Variants in CDH2 observed in about 807,000 individuals in gnomAD.
CDH2 encodes the protein cadherin 2.
Under a neutral mutation model 92.0 loss-of-function variants are expected in CDH2, and 17 were observed. The observed-to-expected ratio is 0.18, with a 90% CI of 0.13 to 0.28. The LOEUF is 0.28. CDH2 is among the 10% of genes least tolerant of loss of function. The pLI, the probability that CDH2 is intolerant of heterozygous loss-of-function variation, is 1.00. For missense variants in CDH2, 862 were observed against 1,133.1 expected, an observed-to-expected ratio of 0.76 and a Z score of 3.44; for synonymous variants, 419 against 415.9, an observed-to-expected ratio of 1.01 and a Z score of -0.09.
chr18:27,965,816 C>G (rs142712615), intron 14 of CDH2, among the ~76,000 whole-genome samples: 5 of 151,706 alleles, frequency 3.3e-5, no homozygotes, highest in African/African-American at 1.2e-4. Context: ...AACCCCATCT[C>G]TACTAAAAAA....
At chr18:27,943,054 T>A (rs1909182822) in intron 6 of CDH2, among the ~76,000 whole-genome samples, 1 of 152,172 alleles carries the variant, frequency 6.6e-6, no homozygotes, top group African/African-American at 2.4e-5. Context: ...GTATTATGGT[T>A]CCTTGTAAAT....
At chr18:28,087,668 A>C (rs887870403) in intron 2 of CDH2, among the ~76,000 whole-genome samples, 2 of 152,202 alleles carry the variant, frequency 1.3e-5, no homozygotes, top group East Asian at 3.9e-4. Flanking sequence ...TATATTAAAA[A>C]TACTGTGGCA....
chr18:27,944,696 G>T lies in CDH2; in HGVS notation c.1152-11572C>A, dbSNP rs1216843957. ...AGTGATTTGAGAGGCTGAAGTGGAG[G>T]ATCACTTCAGGCTAGGAGTTCAAGA... On this transcript the variant is annotated intron_variant, in intron 6 of 6. Coordinates refer to the CDH2 transcript ENST00000675173. 2.1e-5 allele frequency among the ~76,000 whole-genome samples: 3 copies of T among 144,244 alleles called. No homozygotes were observed. In the East Asian group the frequency reaches 6.4e-4, roughly 31 times the overall value. The allele number at this position is 144,244 out of a possible 152,430, so 94.6% of individuals were successfully genotyped here. A position where few individuals can be genotyped will look rare whatever the true frequency, so the allele number is the denominator to read the frequency against.
chr18:28,103,865 T>G (rs559425813), intron 2 of CDH2, among the ~76,000 whole-genome samples: 1 of 152,250 alleles, frequency 6.6e-6, no homozygotes, highest in South Asian at 2.1e-4. Flanking sequence ...TATTCCATGG[T>G]GTATTATATA....
intron 2 of CDH2, among the ~76,000 whole-genome samples, chr18:28,110,471 C>T (rs527516457): frequency 3.9e-5 from 6 of 152,126 alleles, no homozygotes; most frequent in Non-Finnish European, 8.8e-5. Context: ...CAGTTGACTG[C>T]GGCCAAATGC....
intron 2 of CDH2, among the ~76,000 whole-genome samples, chr18:28,112,570 T>C (rs1042879448): frequency 6.6e-6 from 1 of 152,174 alleles, no homozygotes; most frequent in African/African-American, 2.4e-5. Context: ...TAAAAGAAAG[T>C]TTCTTAAAAC....
chr18:28,009,904 AG>A (rs1421516814), intron 4 of CDH2, 32 bp from the exon 5 acceptor site: 1 of 1,565,684 alleles, frequency 6.4e-7, no homozygotes, highest in Non-Finnish European at 8.7e-7. Context: ...ACATTAAGTG[AG>A]AGACTAAATG....
intron 14 of CDH2, among the ~76,000 whole-genome samples, chr18:27,969,577 C>T (rs979247027): frequency 6.6e-6 from 1 of 152,236 alleles, no homozygotes; most frequent in Admixed American, 6.5e-5. Flanking sequence ...GGCATATACA[C>T]ACTTCAATTA....
chr18:28,153,617 G>T (rs1233704417), intron 1 of CDH2, among the ~76,000 whole-genome samples: 1 of 152,170 alleles, frequency 6.6e-6, no homozygotes, highest in Non-Finnish European at 1.5e-5. Context: ...ACTTCCAACA[G>T]GTCAGACTGC....
rs190250009 is a variant in CDH2, at chr18:28,068,930, T to C, written c.173-55021A>G. On this transcript the variant is annotated intron_variant, in intron 2 of 15. Transcript: ENST00000269141. ...CAAGTCTCTACCACATAATAAACCATCTTTATTCTTTCTCTTTTGCTATTT... is the reference window on the plus strand; with the variant it reads ...CAAGTCTCTACCACATAATAAACCACCTTTATTCTTTCTCTTTTGCTATTT... Among the ~76,000 whole-genome samples the C allele has an allele frequency of 3.9e-5, 6 of 152,294 alleles. No individual in the cohort carries two copies. In the East Asian group the frequency reaches 1.2e-3, roughly 29 times the overall value.
At chr18:28,059,634 G>A (rs966227845) in intron 2 of CDH2, among the ~76,000 whole-genome samples, 3 of 152,226 alleles carry the variant, frequency 2.0e-5, no homozygotes, top group African/African-American at 7.2e-5. Flanking sequence ...TCTGAGGGCT[G>A]CCCAACTCTA....
At position 28,043,495 on chromosome 18, in the gene CDH2, A is replaced by ATATATAT. The variant is rs1567976503; in HGVS notation, c.173-29587_173-29586insATATATA. On this transcript the variant is annotated intron_variant, in intron 2 of 15. Transcript: ENST00000269141. ...ATATATATATATATATATATATATA[A>ATATATAT]ATATATATATATATATATATAAACA... Among the ~76,000 whole-genome samples, 96 of 87,272 alleles carry ATATATAT rather than the reference A, an allele frequency of 1.1e-3. 1 individual carries two copies. The highest frequency in any genetic ancestry group is 1.4e-3 in the Non-Finnish European group (63 of 43,864). The allele number at this position is 87,272 out of a possible 152,430, so 57.3% of individuals were successfully genotyped here.
intron 1 of CDH2, among the ~76,000 whole-genome samples, chr18:28,176,024 G>A (rs1230767128): frequency 6.6e-6 from 1 of 152,216 alleles, no homozygotes; most frequent in Admixed American, 6.5e-5. Flanking sequence ...GCGGAAAGTT[G>A]GGCTGCCCCC....
intron 6 of CDH2, among the ~76,000 whole-genome samples, chr18:27,940,164 A>T (rs1465162276): frequency 1.3e-5 from 2 of 152,182 alleles, no homozygotes; most frequent in Non-Finnish European, 2.9e-5. Context: ...TCTGCACGCT[A>T]ATCTCAATCT....
intron 2 of CDH2, among the ~76,000 whole-genome samples, chr18:28,145,631 T>C (rs1217466699): frequency 6.6e-6 from 1 of 152,084 alleles, no homozygotes. Flanking sequence ...AAACATTAAC[T>C]GGAGATAACA....
chr18:28,021,773 C>A (rs1446337750), intron 2 of CDH2, among the ~76,000 whole-genome samples: 1 of 151,966 alleles, frequency 6.6e-6, no homozygotes, highest in Non-Finnish European at 1.5e-5. Flanking sequence ...GAAATACTCA[C>A]ATATGGTTTC....
At chr18:28,088,548 G>T (rs576078816) in intron 2 of CDH2, among the ~76,000 whole-genome samples, 1 of 152,276 alleles carries the variant, frequency 6.6e-6, no homozygotes, top group Admixed American at 6.5e-5. Context: ...TCAGCCTCAT[G>T]TGCTTGAAGG....
At chr18:28,069,379 C>T (rs1248873285) in intron 2 of CDH2, among the ~76,000 whole-genome samples, 1 of 152,124 alleles carries the variant, frequency 6.6e-6, no homozygotes, top group African/African-American at 2.4e-5. Flanking sequence ...CACTCTGGCT[C>T]AAAGGATGAC....
At chr18:28,077,666 G>A (rs1223632485) in intron 2 of CDH2, among the ~76,000 whole-genome samples, 3 of 151,926 alleles carry the variant, frequency 2.0e-5, no homozygotes, top group South Asian at 4.2e-4. Flanking sequence ...TGAGGCAGGC[G>A]GAACACTTGA....
Sources: allele counts gnomAD v4.1 joint callset (sites outside exome capture counted in the v4.1 genomes callset), GRCh38; gene constraint gnomAD v4.1.1; transcripts MANE v1.5; gene names NCBI Gene and HGNC (gene_info 2026-07-23, HGNC 2026-07-21).